PCDH9: variants seen among roughly 807,000 people sequenced by gnomAD.
PCDH9 encodes the protein protocadherin 9.
PCDH9 carries 24 observed loss-of-function variants against 70.6 expected under a neutral mutation model. That is an observed-to-expected ratio of 0.34 (90% CI 0.25 to 0.48). The LOEUF (loss-of-function observed/expected upper bound fraction) is 0.48. PCDH9 is among the 20% of genes least tolerant of loss of function. The probability of loss-of-function intolerance (pLI) is 0.99; values close to 1 mark genes in which losing one functional copy is unlikely to be tolerated. For missense variants in PCDH9, 1,281 were observed against 1,503.6 expected (o/e 0.85, Z 2.45); for synonymous variants, 562 against 558.5 (o/e 1.01, Z -0.09).
At chr13:66,469,300 A>T (rs1462703904) in intron 4 of PCDH9, among the ~76,000 whole-genome samples, 1 of 152,110 alleles carries the variant, frequency 6.6e-6, no homozygotes, top group Non-Finnish European at 1.5e-5. Context: ...ACAAAACCAC[A>T]TTATGCCATC....
chr13:66,667,238 G>C (rs9571609), intron 3 of PCDH9, among the ~76,000 whole-genome samples: 19,020 of 152,098 alleles, frequency 0.13, 1,256 homozygotes, highest in Middle Eastern at 0.18. Flanking sequence ...AAGGAGAGAG[G>C]GATGGAAAGA....
chr13:66,746,449 T>A (rs2079364800), intron 3 of PCDH9, among the ~76,000 whole-genome samples: 1 of 152,072 alleles, frequency 6.6e-6, no homozygotes, highest in African/African-American at 2.4e-5. Context: ...GTCCTTTTCC[T>A]GAAAACAGTG....
At chr13:66,509,977 G>C (rs1046805184) in intron 4 of PCDH9, among the ~76,000 whole-genome samples, 1 of 152,126 alleles carries the variant, frequency 6.6e-6, no homozygotes, top group African/African-American at 2.4e-5. Flanking sequence ...CGCTTTCAAG[G>C]TAAGGAAATT....
intron 4 of PCDH9, among the ~76,000 whole-genome samples, chr13:66,614,783 C>A (rs1157441669): frequency 6.6e-6 from 1 of 152,184 alleles, no homozygotes; most frequent in African/African-American, 2.4e-5. Flanking sequence ...AGGGTACACT[C>A]GCCAGCAGTT....
chr13:67,131,468 A>C (rs2087109787), intron 2 of PCDH9, among the ~76,000 whole-genome samples: 1 of 152,186 alleles, frequency 6.6e-6, no homozygotes, highest in East Asian at 1.9e-4. Flanking sequence ...CATGTTATTT[A>C]ATATAGAAAA....
At chr13:66,342,379 A>G (rs1220850871) in intron 4 of PCDH9, among the ~76,000 whole-genome samples, 1 of 152,234 alleles carries the variant, frequency 6.6e-6, no homozygotes, top group Non-Finnish European at 1.5e-5. Context: ...AACTATAAAG[A>G]TGGGCAACTA....
chr13:66,986,127 CA>C (rs2083887386), intron 2 of PCDH9, among the ~76,000 whole-genome samples: 1 of 151,858 alleles, frequency 6.6e-6, no homozygotes, highest in African/African-American at 2.4e-5. Flanking sequence ...GAAGGGGAAG[CA>C]AACATGTCTT....
At chr13:67,207,590 G>A (rs573363792) in intron 2 of PCDH9, 1 of 152,254 alleles carries the variant, frequency 6.6e-6, no homozygotes, top group African/African-American at 2.4e-5. Context: ...TGTGTTTCTA[G>A]AAATCAAAAG....
intron 4 of PCDH9, among the ~76,000 whole-genome samples, chr13:66,340,305 G>A (rs1003967189): frequency 6.6e-6 from 1 of 152,176 alleles, no homozygotes; most frequent in Non-Finnish European, 1.5e-5. Flanking sequence ...TCAGCTAAGA[G>A]AAAGGTAGAT....
At chr13:66,646,866 T>C (rs1164718641) in intron 3 of PCDH9, among the ~76,000 whole-genome samples, 1 of 152,202 alleles carries the variant, frequency 6.6e-6, no homozygotes, top group Non-Finnish European at 1.5e-5. Flanking sequence ...AGTGGCTTTG[T>C]GGTGTGGAGA....
intron 4 of PCDH9, among the ~76,000 whole-genome samples, chr13:66,482,162 A>C (rs1192468975): frequency 6.6e-6 from 1 of 152,234 alleles, no homozygotes; most frequent in African/African-American, 2.4e-5. Flanking sequence ...AAAGCCATCA[A>C]GACATTCATA....
intron 2 of PCDH9, among the ~76,000 whole-genome samples, chr13:67,178,876 A>T (rs948656545): frequency 6.6e-6 from 1 of 152,068 alleles, no homozygotes; most frequent in Non-Finnish European, 1.5e-5. Flanking sequence ...GACTTTCCTG[A>T]GCTCAAACAG....
chr13:66,536,290 T>C (rs1960700317), intron 4 of PCDH9, among the ~76,000 whole-genome samples: 1 of 152,212 alleles, frequency 6.6e-6, no homozygotes, highest in South Asian at 2.1e-4. Context: ...TGATTCCTTG[T>C]CCAGTGCTCT....
intron 2 of PCDH9, chr13:67,202,504 GC>G (rs1442993088): frequency 6.6e-6 from 1 of 151,996 alleles, no homozygotes; most frequent in African/African-American, 2.4e-5. Context: ...AGTACCAACT[GC>G]CCACTGTTTT....
chr13:66,472,037 C>A (rs1958628581), intron 4 of PCDH9, among the ~76,000 whole-genome samples: 1 of 151,596 alleles, frequency 6.6e-6, no homozygotes, highest in African/African-American at 2.4e-5. Context: ...ATGGTGAAAC[C>A]CCGTCTCTAC....
At chr13:66,328,249 T>C (rs1410073472) in intron 4 of PCDH9, among the ~76,000 whole-genome samples, 1 of 152,180 alleles carries the variant, frequency 6.6e-6, no homozygotes, top group East Asian at 1.9e-4. Flanking sequence ...TTCTTTCTTT[T>C]TGTAATTATA....
At chr13:67,037,622 C>G (rs982055614) in intron 2 of PCDH9, among the ~76,000 whole-genome samples, 1 of 152,104 alleles carries the variant, frequency 6.6e-6, no homozygotes, top group Non-Finnish European at 1.5e-5. Context: ...CACTGCTATT[C>G]TTGTTACATT....
At chr13:67,035,987 G>A (rs1032301912) in intron 2 of PCDH9, among the ~76,000 whole-genome samples, 1 of 151,996 alleles carries the variant, frequency 6.6e-6, no homozygotes, top group Non-Finnish European at 1.5e-5. Context: ...AATGTTTCAG[G>A]GTGACAAGGA....
At chr13:66,525,073 T>C (rs979974143) in intron 4 of PCDH9, among the ~76,000 whole-genome samples, 6 of 152,058 alleles carry the variant, frequency 3.9e-5, no homozygotes, top group African/African-American at 2.4e-5. Flanking sequence ...CACTATTAAT[T>C]TGTGGTTCTA....
Sources: gnomAD v4.1 joint callset for allele counts (sites outside exome capture counted in the v4.1 genomes callset) on GRCh38, gnomAD v4.1.1 for gene constraint, MANE v1.5 for transcripts, NCBI Gene and HGNC (gene_info 2026-07-23, HGNC 2026-07-21) for gene names.